BMP5: variants seen among roughly 807,000 people sequenced by gnomAD.
BMP5 encodes bone morphogenetic protein 5.
A neutral mutation model predicts 46.6 loss-of-function variants in BMP5; 23 were observed. That is an observed-to-expected ratio of 0.49 (90% CI 0.35 to 0.70). The LOEUF (loss-of-function observed/expected upper bound fraction) is 0.70. Among genes scored for constraint, BMP5 ranks in the 30% least tolerant of loss-of-function variants. The pLI is 0.00. For missense variants in BMP5, 545 were observed against 565.6 expected (o/e 0.96, Z 0.37); for synonymous variants, 204 against 191.9 (o/e 1.06, Z -0.52).
At chr6:55,798,340 G>A (rs1049024625) in intron 2 of BMP5, among the ~76,000 whole-genome samples, 1 of 152,190 alleles carries the variant, frequency 6.6e-6, no homozygotes, top group East Asian at 1.9e-4. Context: ...CTAATAAAGC[G>A]GGTTTTTTTA....
intron 1 of BMP5, among the ~76,000 whole-genome samples, chr6:55,858,285 T>A (rs1230330140): frequency 6.6e-6 from 1 of 152,216 alleles, no homozygotes; most frequent in Admixed American, 6.5e-5. Context: ...GAGCAATTAT[T>A]TTCAAAATAG....
chr6:55,784,187 A>G (rs1775392253), intron 3 of BMP5, among the ~76,000 whole-genome samples: 1 of 151,830 alleles, frequency 6.6e-6, no homozygotes, highest in Non-Finnish European at 1.5e-5. Flanking sequence ...CCCCTTACAT[A>G]TGTTACCTGC....
At chr6:55,818,009 C>G (rs2127537892) in intron 2 of BMP5, among the ~76,000 whole-genome samples, 1 of 152,234 alleles carries the variant, frequency 6.6e-6, no homozygotes, top group South Asian at 2.1e-4. Context: ...TGTATTCAAG[C>G]CAAACAACTC....
rs555664083 is a variant in BMP5, at chr6:55,824,106, A to G, written c.491-4259T>C. Among the ~76,000 whole-genome samples, 91 of 152,066 alleles carry G rather than the reference A, an allele frequency of 6.0e-4. 1 individual carries two copies. The South Asian group carries it at 6.4e-3, about 11-fold the overall frequency. ...AAAGTAGATGAAAAAGAACAAACAC[A>G]CACATTTAACACTCCTTAAATGTCA... On this transcript the variant is annotated intron_variant, in intron 1 of 6. Transcript: ENST00000370830.
In BMP5 at chr6:55,755,621, G is replaced by A. The variant is rs899600180; in HGVS notation, c.1277C>T (p.Ala426Val). 6.2e-7 allele frequency: 1 copy of A among 1,611,978 alleles called. No individual in the cohort carries two copies. Among genetic ancestry groups the A allele is most frequent in the Non-Finnish European group, 8.5e-7 (1 of 1,178,608 alleles). Reference sequence around the variant, plus strand: ...GTCATCAAAGTACAGAACAGAGATGGCATTTAATTTGGTTGGAGCACAACA... The same window carrying A: ...GTCATCAAAGTACAGAACAGAGATGACATTTAATTTGGTTGGAGCACAACA... The part of the protein sequence containing the change: ...KPCCAPTKLN[A>V]ISVLYFDDSS... The change falls in exon 7 of 7, where the codon GCC becomes GTC. Residue 426 changes from alanine to valine, a missense_variant. Ala to Val is a moderately conservative substitution (Grantham distance 64). Transcript: ENST00000370830.
chr6:55,759,390 G>T (rs1464700787), intron 5 of BMP5, among the ~76,000 whole-genome samples: 3 of 151,546 alleles, frequency 2.0e-5, no homozygotes, highest in South Asian at 4.2e-4. Context: ...TACTCCCAAG[G>T]GGTAGTTATG....
rs1775649514 is a variant in BMP5, at chr6:55,794,195, A to G, written c.832+84T>C. Reference sequence around the variant, plus strand: ...CTTGGACATCATAAATATAAAACATATATTGGTTATATCACATAAAAAACG... The same window carrying G: ...CTTGGACATCATAAATATAAAACATGTATTGGTTATATCACATAAAAAACG... On this transcript the variant is annotated intron_variant, in intron 3 of 6. Coordinates refer to ENST00000370830, the MANE Select transcript of BMP5 (RefSeq NM_021073.4). 11 of 1,425,598 alleles carry G rather than the reference A, an allele frequency of 7.7e-6. No homozygotes were observed. The Admixed American group carries it at 1.6e-4, about 21-fold the overall frequency. 88.3% of individuals were successfully genotyped at this position (1,425,598 alleles called of 1,614,324 possible).
At chr6:55,785,322 T>C (rs1344981748) in intron 3 of BMP5, among the ~76,000 whole-genome samples, 1 of 151,884 alleles carries the variant, frequency 6.6e-6, no homozygotes, top group Non-Finnish European at 1.5e-5. Context: ...AAATTCTATA[T>C]GGCTAATAAG....
chr6:55,828,810 T>C (rs1317182332), intron 1 of BMP5, among the ~76,000 whole-genome samples: 1 of 151,842 alleles, frequency 6.6e-6, no homozygotes, highest in Non-Finnish European at 1.5e-5. Flanking sequence ...AGGATTTTTA[T>C]AGCTGAACAA....
chr6:55,802,126 C>CT (rs1775863974), intron 2 of BMP5, among the ~76,000 whole-genome samples: 2 of 152,182 alleles, frequency 1.3e-5, no homozygotes, highest in Non-Finnish European at 2.9e-5. Flanking sequence ...AACTCACTAT[C>CT]TATGATTCAA....
chr6:55,780,222 A>G (rs1256737192), intron 3 of BMP5, among the ~76,000 whole-genome samples: 1 of 6,464 alleles, frequency 1.5e-4, no homozygotes, highest in Non-Finnish European at 2.4e-4. Context: ...GTAAAGGGGA[A>G]AAAAAAGACG....
intron 1 of BMP5, among the ~76,000 whole-genome samples, chr6:55,830,836 G>C (rs1776647169): frequency 6.6e-6 from 1 of 152,142 alleles, no homozygotes; most frequent in Non-Finnish European, 1.5e-5. Flanking sequence ...ATTGTGTGAA[G>C]CAGATACAAG....
In BMP5 at chr6:55,791,710, A is replaced by G. The variant is rs1210877928; in HGVS notation, c.832+2569T>C. Among the ~76,000 whole-genome samples the G allele has an allele frequency of 3.9e-5, 6 of 152,164 alleles. No individual in the cohort carries two copies. The East Asian group carries it at 9.6e-4, about 24-fold the overall frequency. ...AACCAATACAAGATAAGAGTGGGGG[A>G]AAAAACAAAAAGAGAAACTTTAGAA... On this transcript the variant is annotated intron_variant, in intron 3 of 6. Transcript: ENST00000370830.
intron 4 of BMP5, among the ~76,000 whole-genome samples, chr6:55,766,448 C>T (rs1431228875): frequency 1.3e-5 from 2 of 151,986 alleles, no homozygotes; most frequent in East Asian, 1.9e-4. Context: ...CTCAACACTC[C>T]CCTCTCCAGA....
At chr6:55,860,633 G>A (rs1777509256) in intron 1 of BMP5, among the ~76,000 whole-genome samples, 1 of 152,192 alleles carries the variant, frequency 6.6e-6, no homozygotes, top group Non-Finnish European at 1.5e-5. Flanking sequence ...GAAGCAGCAG[G>A]TGATGTCTTA....
chr6:55,858,460 T>C (rs1297575426), intron 1 of BMP5, among the ~76,000 whole-genome samples: 2 of 152,156 alleles, frequency 1.3e-5, no homozygotes, highest in Non-Finnish European at 1.5e-5. Context: ...TTTCTAAGCA[T>C]AAGCTGCAAA....
At chr6:55,797,405 T>C (rs560959159) in intron 2 of BMP5, among the ~76,000 whole-genome samples, 1 of 152,270 alleles carries the variant, frequency 6.6e-6, no homozygotes, top group South Asian at 2.1e-4. Context: ...TTTTAAATAG[T>C]AATGCATTTA....
At position 55,759,451 on chromosome 6, in the gene BMP5, T is replaced by C. The variant is rs563846768; in HGVS notation, c.1105-336A>G. Among the ~76,000 whole-genome samples, 3 of 151,956 alleles carry C rather than the reference T, an allele frequency of 2.0e-5. No homozygotes were observed. The East Asian group carries it at 5.8e-4, about 29-fold the overall frequency. On this transcript the variant is annotated intron_variant, in intron 5 of 6. Transcript: ENST00000370830. ...CATGTATTCACGAATAAAACTATTA[T>C]AAGAAAATAGCATTCTAAATATTGT...
chr6:55,834,419 T>C (rs1776738789), intron 1 of BMP5, among the ~76,000 whole-genome samples: 1 of 152,174 alleles, frequency 6.6e-6, no homozygotes, highest in South Asian at 2.1e-4. Context: ...TTCATGTATG[T>C]AACATGCCTT....
Sources: allele counts gnomAD v4.1 joint callset (sites outside exome capture counted in the v4.1 genomes callset), GRCh38; gene constraint gnomAD v4.1.1; transcripts MANE v1.5; gene names NCBI Gene and HGNC (gene_info 2026-07-23, HGNC 2026-07-21).